CBL: variants seen among roughly 807,000 people sequenced by gnomAD.
The protein encoded by CBL is E3 ubiquitin-protein ligase CBL.
A neutral mutation model predicts 96.9 loss-of-function variants in CBL; 45 were observed. That is an observed-to-expected ratio of 0.46 (90% confidence interval 0.37 to 0.60). The LOEUF (loss-of-function observed/expected upper bound fraction) is 0.60, where lower values mean the gene tolerates loss of function less well. Among genes scored for constraint, CBL ranks in the 20% least tolerant of loss-of-function variants. The pLI is 0.00. For synonymous variants in CBL, 420 were observed against 426.8 expected, an observed-to-expected ratio of 0.98 and a Z score of 0.20; for missense variants, 1,024 against 1,143.5, an observed-to-expected ratio of 0.90 and a Z score of 1.51.
Position 119,278,803 on chromosome 11 carries a change from T to G in CBL, c.1431+90T>G. ...CTTAACGATATCCAAACTACAATGA[T>G]AGGTAGTATTAATAGCTAATATTTA... On this transcript the variant is annotated intron_variant, in intron 9 of 15. Coordinates refer to ENST00000264033, the MANE Select transcript of CBL (RefSeq NM_005188.4). 9 of 905,362 alleles carry G rather than the reference T, an allele frequency of 9.9e-6. No homozygotes were observed. The South Asian group carries it at 1.2e-4, about 12-fold the overall frequency. 56.1% of individuals were successfully genotyped at this position (905,362 alleles called of 1,614,324 possible).
At chr11:119,255,231 A>G (rs929792275) in intron 2 of CBL, among the ~76,000 whole-genome samples, 1 of 151,934 alleles carries the variant, frequency 6.6e-6, no homozygotes, top group African/African-American at 2.4e-5. Flanking sequence ...AGCTTCGGGA[A>G]GGTGCTTTGG....
chr11:119,275,677 A>G (rs1949884462), intron 5 of CBL, among the ~76,000 whole-genome samples: 1 of 151,988 alleles, frequency 6.6e-6, no homozygotes, highest in African/African-American at 2.4e-5. Context: ...GGCCTGGCCA[A>G]CATGGCGAAA....
chr11:119,300,343 C>T lies in CBL; in HGVS notation c.*562C>T, dbSNP rs1210845887. 2.6e-6 allele frequency: 1 copy of T among 383,928 alleles called. No individual in the cohort carries two copies. Among genetic ancestry groups the T allele is most frequent in the South Asian group, 1.2e-4 (1 of 8,388 alleles). 23.8% of individuals were successfully genotyped at this position (383,928 alleles called of 1,614,324 possible). On this transcript the variant is annotated 3_prime_UTR_variant, in exon 16 of 16. Transcript: ENST00000264033. ...AACACTCCCCTTTGGCTTATATTAC[C>T]ATGTGCATAGCTAAAGTCTTCTATT...
rs373212940 is a variant in CBL at position 119,206,522 on chromosome 11, GCACCAC to G, written c.122_127del (p.His41_His42del). On this transcript the variant is annotated inframe_deletion, in exon 1 of 16. Transcript: ENST00000264033. Reference sequence around the variant, plus strand: ...GGCTCATGAAGGACGCCTTCCAGCCGCACCACCACCACCACCACCACCTCAGCCCCC... The same window carrying G: ...GGCTCATGAAGGACGCCTTCCAGCCGCACCACCACCACCACCTCAGCCCCC... 27 of 1,556,370 alleles carry G rather than the reference GCACCAC, an allele frequency of 1.7e-5. No homozygotes were observed. The Admixed American group carries it at 3.9e-4, about 22-fold the overall frequency.
chr11:119,245,956 CTTTTTTTTTTTTTTTTTT>C (rs71048054), intron 2 of CBL, among the ~76,000 whole-genome samples: 813 of 54,352 alleles, frequency 0.015, 18 homozygotes, highest in Admixed American at 0.021. Context: ...CTTTGCAAAT[CTTTTTTTTTTTTTTTTTT>C]TTTTTTTTTT....
chr11:119,222,771 AACTATT>A, intron 1 of CBL, among the ~76,000 whole-genome samples: 1 of 152,192 alleles, frequency 6.6e-6, no homozygotes. Context: ...GATGTTTGTT[AACTATT>A]GACTTGAATT....
intron 2 of CBL, among the ~76,000 whole-genome samples, chr11:119,242,755 A>AG (rs1250656992): frequency 2.0e-5 from 3 of 151,178 alleles, no homozygotes; most frequent in Non-Finnish European, 3.0e-5. Flanking sequence ...AAAAAAAAAA[A>AG]AAAAAAGAAA....
chr11:119,251,054 T>C (rs1331356078), intron 2 of CBL, among the ~76,000 whole-genome samples: 1 of 152,242 alleles, frequency 6.6e-6, no homozygotes, highest in Non-Finnish European at 1.5e-5. Context: ...AAAGAAGTTG[T>C]CCCAGTCTAA....
intron 13 of CBL, 119 bp downstream of exon 13, chr11:119,297,153 A>G (rs1328616358): frequency 2.5e-6 from 2 of 784,984 alleles, no homozygotes; most frequent in Non-Finnish European, 4.6e-6. Context: ...GCAGAAAGAT[A>G]AAGATAAATC....
intron 12 of CBL, among the ~76,000 whole-genome samples, chr11:119,291,669 C>A (rs1466572388): frequency 6.6e-6 from 1 of 152,190 alleles, no homozygotes; most frequent in African/African-American, 2.4e-5. Flanking sequence ...GATTGTGCCA[C>A]TGCACTCCAG....
At chr11:119,291,026 TATC>T (rs1487346079) in intron 12 of CBL, among the ~76,000 whole-genome samples, 6 of 152,088 alleles carry the variant, frequency 3.9e-5, no homozygotes, top group Admixed American at 2.0e-4. Flanking sequence ...AGTTTAAAAA[TATC>T]ATTCCACTCT....
At chr11:119,286,064 C>T (rs183654130) in intron 11 of CBL, among the ~76,000 whole-genome samples, 120 of 152,066 alleles carry the variant, frequency 7.9e-4, no homozygotes, top group African/African-American at 2.7e-3. Context: ...TTTAGGAGGC[C>T]GAGGCGGGTG....
chr11:119,231,544 A>G (rs971886245), intron 1 of CBL, among the ~76,000 whole-genome samples: 1 of 151,984 alleles, frequency 6.6e-6, no homozygotes, highest in African/African-American at 2.4e-5. Flanking sequence ...CCCTGTCTCT[A>G]CCAAAAATAC....
chr11:119,230,937 A>G (rs1949497534), intron 1 of CBL, among the ~76,000 whole-genome samples: 1 of 152,262 alleles, frequency 6.6e-6, no homozygotes, highest in African/African-American at 2.4e-5. Flanking sequence ...TTTAAATTCT[A>G]TCTATATGAT....
intron 2 of CBL, among the ~76,000 whole-genome samples, chr11:119,269,874 G>A (rs970410285): frequency 6.6e-6 from 1 of 152,196 alleles, no homozygotes; most frequent in East Asian, 1.9e-4. Context: ...GCGGGCGCCT[G>A]TAGTCCCAGC....
intron 11 of CBL, among the ~76,000 whole-genome samples, chr11:119,287,298 C>T (rs950604868): frequency 3.3e-5 from 5 of 152,214 alleles, no homozygotes; most frequent in African/African-American, 9.6e-5. Context: ...AAACTTTTAC[C>T]TGGCTGACTG....
Position 119,285,080 on chromosome 11 carries a change from G to C in CBL, c.1543G>C (p.Ala515Pro), listed in dbSNP as rs1171133734. ...QRVCVPSSAS[A>P]LGTASKAASG... Reference sequence around the variant, plus strand: ...AGTATGTGTTCCCTCAAGTGCTTCTGCTCTTGGAACTGCTTCTAAGGTAAA... The same window carrying C: ...AGTATGTGTTCCCTCAAGTGCTTCTCCTCTTGGAACTGCTTCTAAGGTAAA... The change falls in exon 10 of 16, where the codon GCT (alanine) becomes CCT (proline). Residue 515 changes from alanine to proline, a missense_variant. Ala to Pro is a conservative substitution (Grantham distance 27). Around this residue, in one of 4 missense-constraint regions of CBL, gnomAD observed 695 missense variants for 661.6 expected, o/e 1.05. Transcript: ENST00000264033. 1 of 1,614,130 alleles carries C rather than the reference G, an allele frequency of 6.2e-7. No individual in the cohort carries two copies. Among genetic ancestry groups the C allele is most frequent in the East Asian group, 2.2e-5 (1 of 44,882 alleles).
Position 119,232,431 on chromosome 11 carries a change from T to C in CBL, c.196-17T>C, listed in dbSNP as rs1408223199. ...AAAATTCTCCAAGTAATAGCCCTTC[T>C]TTTTCATTTGTTGCAGGTGGTGCGG... On this transcript the variant is annotated splice_polypyrimidine_tract_variant and intron_variant, in intron 1 of 15. Transcript: ENST00000264033. 2 of 1,612,574 alleles carry C rather than the reference T, an allele frequency of 1.2e-6. No homozygotes were observed. The highest frequency in any genetic ancestry group is 4.5e-5 in the East Asian group (2 of 44,882).
chr11:119,268,768 A>G (rs569739279), intron 2 of CBL, among the ~76,000 whole-genome samples: 2 of 152,352 alleles, frequency 1.3e-5, no homozygotes, highest in Admixed American at 6.5e-5. Context: ...CCAAGAGAAG[A>G]CAACACTGCA....
Sources: gnomAD v4.1 joint callset for allele counts (sites outside exome capture counted in the v4.1 genomes callset) on GRCh38, gnomAD v4.1.1 for gene constraint, gnomAD v4.1.1 regional missense constraint, MANE v1.5 for transcripts, NCBI Gene and HGNC (gene_info 2026-07-23, HGNC 2026-07-21) for gene names.